Variants in PHAF1 observed in about 807,000 individuals in gnomAD.
The protein encoded by PHAF1 is phagosome assembly factor 1.
In PHAF1, 23 loss-of-function variants were observed where a neutral mutation model predicts 63.1. That is an observed-to-expected ratio of 0.36 (90% confidence interval 0.26 to 0.52). The LOEUF (loss-of-function observed/expected upper bound fraction) is 0.52. PHAF1 is among the 20% of genes least tolerant of loss of function. The pLI, the probability that PHAF1 is intolerant of heterozygous loss-of-function variation, is 0.93. For missense variants in PHAF1, 427 were observed against 517.2 expected, an observed-to-expected ratio of 0.83 and a Z score of 1.69; for synonymous variants, 167 against 185.0, an observed-to-expected ratio of 0.90 and a Z score of 0.79.
At chr16:67,115,888 C>T (rs1178090986) in intron 1 of PHAF1, among the ~76,000 whole-genome samples, 1 of 152,090 alleles carries the variant, frequency 6.6e-6, no homozygotes, top group Non-Finnish European at 1.5e-5. Flanking sequence ...AGCGGTGGCT[C>T]ATGTCTATAA....
intron 1 of PHAF1, among the ~76,000 whole-genome samples, chr16:67,112,641 C>G (rs997361733): frequency 6.6e-6 from 1 of 152,158 alleles, no homozygotes; most frequent in Non-Finnish European, 1.5e-5. Flanking sequence ...TTTTGATACC[C>G]TAACCCTGAC....
At chr16:67,136,688 TC>T (rs1375378016) in intron 8 of PHAF1, among the ~76,000 whole-genome samples, 2 of 148,190 alleles carry the variant, frequency 1.3e-5, no homozygotes, top group Non-Finnish European at 3.0e-5. Context: ...GCACAAGGAA[TC>T]CTTCTGCCTC....
At chr16:67,125,747 T>C (rs762926633) in intron 2 of PHAF1, among the ~76,000 whole-genome samples, 7 of 152,248 alleles carry the variant, frequency 4.6e-5, no homozygotes, top group Non-Finnish European at 1.0e-4. Flanking sequence ...TTTCAGCCGA[T>C]ATTAAGAAAC....
chr16:67,112,071 G>C (rs1962540486), intron 1 of PHAF1, among the ~76,000 whole-genome samples: 1 of 152,136 alleles, frequency 6.6e-6, no homozygotes, highest in Non-Finnish European at 1.5e-5. Flanking sequence ...GTGATACCAT[G>C]CTAATGCTGT....
In PHAF1 at chr16:67,145,385, A is replaced by G; in HGVS notation, c.1016A>G (p.Asp339Gly). Residue 339 changes from aspartate (D) to glycine (G), a missense_variant, in exon 13 of 16, where the codon GAT (aspartate) becomes GGT (glycine). Physicochemically the swap from Asp to Gly is moderately conservative, Grantham distance 94 (BLOSUM62 -1). Transcript: ENST00000219139. ...TGTCTTCTCTTTTCAGAAAACGCAG[A>G]TGGTCAGACAGAAACATGCACGACC... The part of the protein sequence containing the change: ...IPLAIKKENA[D>G]GQTETCTTYS... 3.1e-6 allele frequency: 5 copies of G among 1,614,158 alleles called. No individual in the cohort carries two copies. The highest frequency in any genetic ancestry group is 1.3e-5 in the African/African-American group (1 of 75,032).
At chr16:67,139,467 C>T (rs1289360811) in intron 8 of PHAF1, among the ~76,000 whole-genome samples, 1 of 150,938 alleles carries the variant, frequency 6.6e-6, no homozygotes, top group African/African-American at 2.4e-5. Flanking sequence ...TCCCACCTCA[C>T]CCTTCCAAGT....
At chr16:67,141,003 A>C (rs1397365321) in intron 10 of PHAF1, among the ~76,000 whole-genome samples, 1 of 152,228 alleles carries the variant, frequency 6.6e-6, no homozygotes, top group Non-Finnish European at 1.5e-5. Flanking sequence ...CCCCAGAGGC[A>C]TTGCTGTATC....
chr16:67,110,551 A>G (rs1962471146), intron 1 of PHAF1, among the ~76,000 whole-genome samples: 1 of 151,712 alleles, frequency 6.6e-6, no homozygotes, highest in African/African-American at 2.4e-5. Flanking sequence ...TCTCTCTAGT[A>G]CCCCTCGCCG....
intron 3 of PHAF1, among the ~76,000 whole-genome samples, chr16:67,128,579 T>C (rs1392397348): frequency 6.6e-6 from 1 of 152,170 alleles, no homozygotes; most frequent in Non-Finnish European, 1.5e-5. Context: ...AGTCACAACC[T>C]TTACAGCCAC....
Position 67,145,405 on chromosome 16 carries a change from A to G in PHAF1, c.1036A>G (p.Thr346Ala). ...ENADGQTETC[T>A]TYSKWDNIQE... Reference sequence around the variant, plus strand: ...CGCAGATGGTCAGACAGAAACATGCACGACCTACAGCAAGGTGAGCACCTA... The same window carrying G: ...CGCAGATGGTCAGACAGAAACATGCGCGACCTACAGCAAGGTGAGCACCTA... Residue 346 changes from threonine (T) to alanine (A), a missense_variant, in exon 13 of 16, where the codon ACG becomes GCG. Transcript: ENST00000219139. The G allele has an allele frequency of 6.2e-7, 1 of 1,614,184 alleles. No homozygotes were observed. The highest frequency in any genetic ancestry group is 8.5e-7 in the Non-Finnish European group (1 of 1,180,018).
chr16:67,136,427 C>T (rs866962884), intron 8 of PHAF1: 3 of 151,960 alleles, frequency 2.0e-5, no homozygotes, highest in Admixed American at 6.6e-5. Flanking sequence ...TCGTGCTTAA[C>T]GGGACTGGGA....
chr16:67,139,343 C>CTTTTTT (rs1164245105), intron 8 of PHAF1, among the ~76,000 whole-genome samples: 26 of 86,886 alleles, frequency 3.0e-4, no homozygotes, highest in Non-Finnish European at 3.9e-4. Context: ...ACAGCACTGC[C>CTTTTTT]TTTTTTTTTT....
At chr16:67,115,304 GA>G (rs1191665235) in intron 1 of PHAF1, among the ~76,000 whole-genome samples, 1 of 152,218 alleles carries the variant, frequency 6.6e-6, no homozygotes, top group African/African-American at 2.4e-5. Context: ...AATGGTATGA[GA>G]GGCTTCATTG....
chr16:67,123,448 A>C (rs1307649298), intron 2 of PHAF1, among the ~76,000 whole-genome samples: 1 of 152,068 alleles, frequency 6.6e-6, no homozygotes, highest in Non-Finnish European at 1.5e-5. Context: ...GTGGTGGTGC[A>C]TACCTGTAAT....
At position 67,134,381 on chromosome 16, in the gene PHAF1, T is replaced by C; in HGVS notation, c.575T>C (p.Phe192Ser). ...GCTCCCATGATGCCTCTGAGCTGTTTCCTGGGCAATGTCTATGCTGAGAGT... is the reference window on the plus strand; with the variant it reads ...GCTCCCATGATGCCTCTGAGCTGTTCCCTGGGCAATGTCTATGCTGAGAGT... ...TKAPMMPLSC[F>S]LGNVYAESVD... The change falls in exon 8 of 16, where the codon TTC (phenylalanine) becomes TCC (serine). Residue 192 changes from phenylalanine to serine, a missense_variant. Phe to Ser is a radical substitution (Grantham distance 155, BLOSUM62 -2). Transcript: ENST00000219139. 1 of 1,614,202 alleles carries C rather than the reference T, an allele frequency of 6.2e-7. No individual in the cohort carries two copies. Among genetic ancestry groups the C allele is most frequent in the Non-Finnish European group, 8.5e-7 (1 of 1,180,010 alleles).
At chr16:67,145,327 A>G (rs1196740139) in intron 12 of PHAF1, 49 bp from the exon 13 acceptor site, 2 of 1,607,610 alleles carry the variant, frequency 1.2e-6, no homozygotes, top group South Asian at 1.1e-5. Flanking sequence ...CTGGGGCCAC[A>G]GGTAGGCTGG....
Position 67,148,205 on chromosome 16 carries a change from A to G in PHAF1, c.*1074A>G, listed in dbSNP as rs1468980828. The G allele has an allele frequency of 6.6e-6, 1 of 152,418 alleles. No individual in the cohort carries two copies. The highest frequency in any genetic ancestry group is 1.5e-5 in the Non-Finnish European group (1 of 67,998). The allele number at this position is 152,418 out of a possible 1,614,324, so 9.4% of individuals were successfully genotyped here. ...GTGTGTACAGATTTTTGTAAATATG[A>G]CTCTTTTGTAATTAACTCATGTACA... On this transcript the variant is annotated 3_prime_UTR_variant, in exon 16 of 16. Transcript: ENST00000219139.
chr16:67,138,972 G>A (rs1963703339), intron 8 of PHAF1, among the ~76,000 whole-genome samples: 1 of 152,148 alleles, frequency 6.6e-6, no homozygotes, highest in Admixed American at 6.5e-5. Flanking sequence ...AGGCTGGAAT[G>A]CAGTGGTGTG....
Position 67,148,460 on chromosome 16 carries a change from G to C in PHAF1, c.*1329G>C, listed in dbSNP as rs1438512215. On this transcript the variant is annotated 3_prime_UTR_variant, in exon 16 of 16. Coordinates refer to ENST00000219139, the MANE Select transcript of PHAF1 (RefSeq NM_025187.5). ...AATGGGGGAACCTTCCTTATCCCCT[G>C]CCCACATCCCCTCTCCAATAAAGCA... 2 of 152,500 alleles carry C rather than the reference G, an allele frequency of 1.3e-5. No homozygotes were observed. The highest frequency in any genetic ancestry group is 4.8e-5 in the African/African-American group (2 of 41,452). 9.4% of individuals were successfully genotyped at this position (152,500 alleles called of 1,614,324 possible). A position where few individuals can be genotyped will look rare whatever the true frequency, so the allele number is the denominator to read the frequency against.
Sources: gnomAD v4.1 joint callset for allele counts (sites outside exome capture counted in the v4.1 genomes callset) on GRCh38, gnomAD v4.1.1 for gene constraint, MANE v1.5 for transcripts, NCBI Gene and HGNC (gene_info 2026-07-23, HGNC 2026-07-21) for gene names.